NUDT6: variants seen among roughly 807,000 people sequenced by gnomAD.
NUDT6 encodes FAD diphosphatase NUDT6.
In NUDT6, 24 loss-of-function variants were observed where a neutral mutation model predicts 36.8. The observed-to-expected ratio is 0.65, with a 90% CI of 0.47 to 0.92. The LOEUF (loss-of-function observed/expected upper bound fraction) is 0.92. NUDT6 is among the 40% of genes least tolerant of loss of function. NUDT6 has a pLI of 0.00. For synonymous variants in NUDT6, 163 were observed against 157.0 expected (o/e 1.04, Z -0.29); for missense variants, 388 against 392.8 (o/e 0.99, Z 0.10).
chr4:122,909,101 T>C (rs920146922), intron 3 of NUDT6, among the ~76,000 whole-genome samples: 6 of 152,046 alleles, frequency 3.9e-5, no homozygotes, highest in African/African-American at 1.4e-4. Flanking sequence ...GGTCTTACTC[T>C]GTCATCCAGG....
At chr4:122,904,031 T>C (rs545580778) in intron 3 of NUDT6, among the ~76,000 whole-genome samples, 2 of 152,286 alleles carry the variant, frequency 1.3e-5, no homozygotes, top group East Asian at 3.9e-4. Flanking sequence ...ACTGAAGATA[T>C]TTAAGATACA....
chr4:122,912,587 A>T lies in NUDT6; in HGVS notation c.479T>A (p.Val160Asp). 6.3e-7 allele frequency: 1 copy of T among 1,594,098 alleles called. No homozygotes were observed. The highest frequency in any genetic ancestry group is 8.6e-7 in the Non-Finnish European group (1 of 1,162,514). ...VFDESTRKIL[V>D]VQDRNKLKNM... is the part of the protein sequence containing the mutation. ...GCTTACTTTATTTCGATCTTGTACAACCAGTATTTTTCTAGTACTTTCATC... is the reference window on the plus strand; with the variant it reads ...GCTTACTTTATTTCGATCTTGTACATCCAGTATTTTTCTAGTACTTTCATC... The change falls in exon 3 of 5, where the codon GTT (valine) becomes GAT (aspartate). Residue 160 changes from valine to aspartate, a missense_variant. Physicochemically the swap from Val to Asp is radical, Grantham distance 152 (BLOSUM62 -3). Transcript: ENST00000304430.
At chr4:122,901,105 C>A (rs1356273060) in intron 3 of NUDT6, among the ~76,000 whole-genome samples, 1 of 152,008 alleles carries the variant, frequency 6.6e-6, no homozygotes, top group Non-Finnish European at 1.5e-5. Context: ...TCTTGTGAAA[C>A]AAGTATTCTA....
In NUDT6 at chr4:122,892,813, C is replaced by G; in HGVS notation, c.*15G>C. 6.4e-7 allele frequency: 1 copy of G among 1,568,944 alleles called. No individual in the cohort carries two copies. The highest frequency in any genetic ancestry group is 8.7e-7 in the Non-Finnish European group (1 of 1,151,528). ...ATTCGTTAGTCTACATGTTTCTAAA[C>G]ATATAAATGTGAATTTAATCAATTC... On this transcript the variant is annotated 3_prime_UTR_variant, in exon 5 of 5. Coordinates refer to ENST00000304430, the MANE Select transcript of NUDT6 (RefSeq NM_007083.5).
intron 4 of NUDT6, chr4:122,896,642 A>G (rs1168409858): frequency 1.3e-5 from 2 of 152,152 alleles, no homozygotes; most frequent in Non-Finnish European, 2.9e-5. Flanking sequence ...CCTGAAACCA[A>G]GATTGGCTAG....
rs1469563599 is a variant in NUDT6, at chr4:122,917,602, C to A, written c.341G>T (p.Cys114Phe). The A allele has an allele frequency of 1.2e-6, 2 of 1,614,024 alleles. No homozygotes were observed. The highest frequency in any genetic ancestry group is 1.7e-6 in the Non-Finnish European group (2 of 1,180,026). ...TGAATCCGATTCTGCGTGGTGAAAG[C>A]AGAAGCCCAGGGAAGCAGCAGGGGC... ...FIAPAASLGF[C>F]FHHAESDSST... Residue 114 changes from cysteine (C) to phenylalanine (F), a missense_variant, in exon 2 of 5, where the codon TGC (cysteine) becomes TTC (phenylalanine). Coordinates refer to ENST00000304430, the MANE Select transcript of NUDT6 (RefSeq NM_007083.5).
At chr4:122,893,309 T>G (rs1376584405) in intron 4 of NUDT6, 84 bp from the exon 5 acceptor site, 2 of 1,333,174 alleles carry the variant, frequency 1.5e-6, no homozygotes, top group African/African-American at 2.9e-5. Flanking sequence ...TAAAGTAGCA[T>G]TATGTAAAGG....
In NUDT6 at chr4:122,917,717, G is replaced by A. The variant is rs766306296; in HGVS notation, c.239-13C>T. The A allele has an allele frequency of 1.2e-6, 2 of 1,610,076 alleles. No individual in the cohort carries two copies. The highest frequency in any genetic ancestry group is 1.7e-6 in the Non-Finnish European group (2 of 1,177,942). ...TGCTGTACTGCAGCTAAATGCAGAA[G>A]AAAAAAGTCTAAATAATTTCCAAAG... is the stretch of plus-strand genomic sequence containing the variant. On this transcript the variant is annotated splice_polypyrimidine_tract_variant and intron_variant, in intron 1 of 4. Transcript: ENST00000304430.
chr4:122,915,717 T>C (rs1727825698), intron 2 of NUDT6, among the ~76,000 whole-genome samples: 1 of 152,170 alleles, frequency 6.6e-6, no homozygotes, highest in African/African-American at 2.4e-5. Context: ...TTACCAATTC[T>C]GTAGTAATAA....
At chr4:122,898,651 CTG>C (rs910480232) in intron 3 of NUDT6, among the ~76,000 whole-genome samples, 13 of 152,148 alleles carry the variant, frequency 8.5e-5, no homozygotes, top group Admixed American at 2.0e-4. Flanking sequence ...TTTCCATAGA[CTG>C]TTGATTATGT....
rs535297299 is a variant in NUDT6 at position 122,899,850 on chromosome 4, G to T, written c.499-2172C>A. ...CAGGTCTGACCCACAGTCTCTGACT[G>T]AATGACGGATGAAAAAATGCACTCA... On this transcript the variant is annotated intron_variant, in intron 3 of 4. Transcript: ENST00000304430. Among the ~76,000 whole-genome samples the T allele has an allele frequency of 1.4e-3, 210 of 152,172 alleles. 5 individuals are homozygous for T. The South Asian group carries it at 0.027, about 19-fold the overall frequency.
At chr4:122,922,965 T>G (rs1292751437), upstream of NUDT6, 1 of 702,486 alleles carries the variant, frequency 1.4e-6, no homozygotes, top group Non-Finnish European at 2.4e-6. Flanking sequence ...TTTCAAAGAC[T>G]GCTGGTTTTG....
At chr4:122,916,790 C>T (rs1727853140) in intron 2 of NUDT6, among the ~76,000 whole-genome samples, 1 of 152,124 alleles carries the variant, frequency 6.6e-6, no homozygotes, top group South Asian at 2.1e-4. Flanking sequence ...CAACCATAGT[C>T]TCGAAGTGTT....
intron 1 of NUDT6, 58 bp from the exon 2 acceptor site, chr4:122,917,762 A>G (rs1053730051): frequency 1.3e-6 from 2 of 1,530,792 alleles, no homozygotes; most frequent in Admixed American, 3.7e-5. Context: ...GAATAAATTA[A>G]AACTCACCTC....
At position 122,922,424 on chromosome 4, in the gene NUDT6, A is replaced by G; in HGVS notation, c.149T>C (p.Leu50Pro). 6.2e-7 allele frequency: 1 copy of G among 1,611,520 alleles called. No homozygotes were observed. Among genetic ancestry groups the G allele is most frequent in the Non-Finnish European group, 8.5e-7 (1 of 1,179,778 alleles). ...PVGACDLQGE[L>P]DRFGGISVRL... ...CACCGAGATGCCCCCGAATCTGTCC[A>G]GCTCGCCCTGCAGATCGCACGCTCC... Residue 50 changes from leucine (L) to proline (P), a missense_variant, in exon 1 of 5, where the codon CTG becomes CCG. By Grantham distance (98) the Leu-to-Pro change is moderately conservative (BLOSUM62 -3). Coordinates refer to ENST00000304430, the MANE Select transcript of NUDT6 (RefSeq NM_007083.5).
intron 4 of NUDT6, chr4:122,894,444 A>C (rs1020431692): frequency 2.0e-5 from 3 of 152,206 alleles, no homozygotes; most frequent in African/African-American, 7.2e-5. Context: ...ATAGCCAGGC[A>C]TGGTGGCGTG....
intron 4 of NUDT6, chr4:122,896,710 G>A (rs1361914172): frequency 6.6e-6 from 1 of 152,138 alleles, no homozygotes; most frequent in Admixed American, 6.5e-5. Context: ...GCTATATAAT[G>A]TATGTATGGT....
At chr4:122,899,527 C>T (rs759086939) in intron 3 of NUDT6, among the ~76,000 whole-genome samples, 2 of 152,108 alleles carry the variant, frequency 1.3e-5, no homozygotes, top group Non-Finnish European at 2.9e-5. Context: ...AGTAGACAGT[C>T]CTAAGCTATG....
chr4:122,905,641 G>A (rs185553179), intron 3 of NUDT6, among the ~76,000 whole-genome samples: 3 of 152,296 alleles, frequency 2.0e-5, no homozygotes, highest in African/African-American at 7.2e-5. Context: ...ATGAGTCACA[G>A]ACAGAACTAG....
Sources: allele counts gnomAD v4.1 joint callset (sites outside exome capture counted in the v4.1 genomes callset), GRCh38; gene constraint gnomAD v4.1.1; transcripts MANE v1.5; gene names NCBI Gene and HGNC (gene_info 2026-07-23, HGNC 2026-07-21).